Variants in PLXNA3 observed in about 807,000 individuals in gnomAD.
PLXNA3 encodes the protein plexin A3.
PLXNA3 carries 52 observed loss-of-function variants against 118.8 expected under a neutral mutation model. That is an observed-to-expected ratio of 0.44 (90% CI 0.35 to 0.55). PLXNA3 has a LOEUF of 0.55. Among genes scored for constraint, PLXNA3 ranks in the 20% least tolerant of loss-of-function variants. PLXNA3 has a pLI of 0.01. For synonymous variants in PLXNA3, 925 were observed against 762.4 expected (o/e 1.21, Z -3.51); for missense variants, 1,660 against 1,730.8 (o/e 0.96, Z 0.73).
rs1221419059 is a variant in PLXNA3, at chrX:154,465,428, C to T, written c.2249C>T (p.Ser750Phe). 8.3e-7 allele frequency: 1 copy of T among 1,197,668 alleles called. No individual in the cohort carries two copies. The highest frequency in any genetic ancestry group is 1.1e-6 in the Non-Finnish European group (1 of 884,501). ...CCATGGGTTCCTTTCCTCCAGTACT[C>T]CTATGAAGGTGATGAGCATGGTGAC... ...SSVQCQNASY[S>F]YEGDEHGDTE... The change falls in exon 12 of 33, where the codon TCC becomes TTC. Residue 750 changes from serine (S) to phenylalanine (F), a missense_variant. Ser to Phe is a radical substitution (Grantham distance 155). Coordinates refer to ENST00000369682, the MANE Select transcript of PLXNA3 (RefSeq NM_017514.5).
Position 154,465,768 on chromosome X carries a change from C to A in PLXNA3, c.2453C>A (p.Thr818Asn). 1 of 1,209,901 alleles carries A rather than the reference C, an allele frequency of 8.3e-7. No individual in the cohort carries two copies. ...CISEHRCQLR[T>N]HCPAPKTNWM... ...TCAGAGCACAGGTGCCAGCTGCGGA[C>A]CCACTGCCCGGCCCCGAAGACCAAC... Residue 818 changes from threonine to asparagine, a missense_variant, in exon 13 of 33, where the codon ACC becomes AAC. This residue lies in a region of PLXNA3 where 869 missense variants were observed against 1,078.7 expected (regional missense o/e 0.81). Coordinates refer to ENST00000369682, the MANE Select transcript of PLXNA3 (RefSeq NM_017514.5).
In PLXNA3 at chrX:154,460,155, A is replaced by T; in HGVS notation, c.-27-2A>T. ...TGACTCCCACACACCGTCTCTCCCT[A>T]GGCCTGTCCCCAGGCGCGGCTGCCG... On this transcript the variant is annotated splice_acceptor_variant, in intron 1 of 32. Transcript: ENST00000369682. LOFTEE classifies it low-confidence loss of function (5UTR_SPLICE). 1 of 1,039,346 alleles carries T rather than the reference A, an allele frequency of 9.6e-7. No individual in the cohort carries two copies. The highest frequency in any genetic ancestry group is 1.9e-5 in the South Asian group (1 of 51,523). The allele number at this position is 1,039,346 out of a possible 1,213,427, so 85.7% of individuals were successfully genotyped here.
In PLXNA3 at chrX:154,472,760, C is replaced by A; in HGVS notation, c.*75C>A. The A allele has an allele frequency of 1.3e-6, 1 of 789,277 alleles. No homozygotes were observed. Among genetic ancestry groups the A allele is most frequent in the Non-Finnish European group, 1.9e-6 (1 of 516,520 alleles). The allele number at this position is 789,277 out of a possible 1,213,427, so 65.0% of individuals were successfully genotyped here. ...CATCCAGGGGAGTGGCTGGCTCAAG[C>A]CTGGGTCCCCGGGCTGAGCCCTGGA... On this transcript the variant is annotated 3_prime_UTR_variant, in exon 33 of 33. Coordinates refer to ENST00000369682, the MANE Select transcript of PLXNA3 (RefSeq NM_017514.5).
At chrX:154,464,940 C>T (rs782379248) in intron 10 of PLXNA3, 72 bp downstream of exon 10, 13 of 1,083,890 alleles carry the variant, frequency 1.2e-5, no homozygotes, top group African/African-American at 1.1e-4. Context: ...TATGCGTTCT[C>T]GGTTTCTTTG....
Position 154,460,504 on chromosome X carries a change from C to A in PLXNA3, c.321C>A (p.Arg107=), listed in dbSNP as rs782464523. ...TGCTGCTCATAGACTATGCGGCCCG[C>A]CGCCTGGTGGCCTGCGGCAGCATCT... ...NKLLLIDYAA[R]RLVACGSIWQ... The change falls in exon 2 of 33, where the codon CGC becomes CGA. Residue 107 remains arginine, a synonymous_variant. Coordinates refer to ENST00000369682, the MANE Select transcript of PLXNA3 (RefSeq NM_017514.5). The A allele has an allele frequency of 5.8e-6, 7 of 1,210,110 alleles. No homozygotes were observed. The South Asian group carries it at 1.1e-4, about 18-fold the overall frequency.
chrX:154,465,292 G>C, intron 11 of PLXNA3, 74 bp downstream of exon 11: 1 of 1,067,909 alleles, frequency 9.4e-7, no homozygotes. Context: ...TCTATGCCCA[G>C]CTCTCTGGCA....
chrX:154,458,640 G>A (rs1282309406), intron 1 of PLXNA3, among the ~76,000 whole-genome samples: 1 of 112,375 alleles, frequency 8.9e-6, no homozygotes, highest in Non-Finnish European at 1.9e-5. Context: ...GCAGGGGAGC[G>A]GCCCCTCGGA....
intron 2 of PLXNA3, 147 bp downstream of exon 2, chrX:154,460,924 A>G (rs2068941692): frequency 3.3e-6 from 2 of 612,017 alleles, no homozygotes; most frequent in Non-Finnish European, 4.9e-6. Flanking sequence ...GCCTGAACCC[A>G]GGTTGCGGGG....
chrX:154,474,953 G>GTTTTTTTT lies in PLXNA3; in HGVS notation c.*2274_*2275insTTTTTTTT, dbSNP rs1316677568. The GTTTTTTTT allele has an allele frequency of 2.6e-5, 2 of 76,388 alleles. No homozygotes were observed. Among genetic ancestry groups the GTTTTTTTT allele is most frequent in the Non-Finnish European group, 5.5e-5 (2 of 36,302 alleles). The allele number at this position is 76,388 out of a possible 1,213,427, so 6.3% of individuals were successfully genotyped here. On this transcript the variant is annotated 3_prime_UTR_variant, in exon 33 of 33. Coordinates refer to ENST00000369682, the MANE Select transcript of PLXNA3 (RefSeq NM_017514.5). Reference sequence around the variant, plus strand: ...CAAGTGCTTGCCACCATACCCAGCTGTTTTTTGTTTTTTTTTTTTTTCTTT... The same window carrying GTTTTTTTT: ...CAAGTGCTTGCCACCATACCCAGCTGTTTTTTTTTTTTTTGTTTTTTTTTTTTTTCTTT...
chrX:154,462,792 G>T (rs1233811571), intron 4 of PLXNA3, among the ~76,000 whole-genome samples: 4 of 110,878 alleles, frequency 3.6e-5, no homozygotes, highest in African/African-American at 9.9e-5. Context: ...GGATCTGGGG[G>T]TAGCTTGGCA....
chrX:154,463,761 C>T lies in PLXNA3; in HGVS notation c.1547+71C>T, dbSNP rs868965178. Reference sequence around the variant, plus strand: ...CCAGGGGGAGCCAGCCACACCCAGCCGTGCCCTTGCGGCCTCCCCCCGCCC... The same window carrying T: ...CCAGGGGGAGCCAGCCACACCCAGCTGTGCCCTTGCGGCCTCCCCCCGCCC... On this transcript the variant is annotated intron_variant, in intron 6 of 32. Transcript: ENST00000369682. 1.7e-4 allele frequency: 166 copies of T among 991,173 alleles called. No individual in the cohort carries two copies. The South Asian group carries it at 2.7e-3, about 16-fold the overall frequency. The allele number at this position is 991,173 out of a possible 1,213,427, so 81.7% of individuals were successfully genotyped here. A position where few individuals can be genotyped will look rare whatever the true frequency, so the allele number is the denominator to read the frequency against.
chrX:154,467,889 A>T lies in PLXNA3; in HGVS notation c.3708A>T (p.Thr1236=). 1.7e-6 allele frequency: 2 copies of T among 1,209,195 alleles called. No homozygotes were observed. The highest frequency in any genetic ancestry group is 2.2e-6 in the Non-Finnish European group (2 of 894,539). The part of the protein sequence containing the change: ...AGGGLLLLAI[T]AVLVAYKRKT... ...GTGGGCTCCTGCTGCTGGCCATCACAGCCGTGCTGGTGGCCTACAAGCGCA... is the reference window on the plus strand; with the variant it reads ...GTGGGCTCCTGCTGCTGGCCATCACTGCCGTGCTGGTGGCCTACAAGCGCA... The change falls in exon 21 of 33, where the codon ACA becomes ACT. Residue 1236 remains threonine, a synonymous_variant. Transcript: ENST00000369682.
chrX:154,467,638 A>G lies in PLXNA3; in HGVS notation c.3535A>G (p.Thr1179Ala). 2 of 1,210,368 alleles carry G rather than the reference A, an allele frequency of 1.7e-6. No homozygotes were observed. Among genetic ancestry groups the G allele is most frequent in the Non-Finnish European group, 2.2e-6 (2 of 895,236 alleles). ...GQPCSLTVSDTQLLCDSPSQT... is the reference protein window; with the variant it reads ...GQPCSLTVSDAQLLCDSPSQT... ...GCCGTGTTCGCTCACTGTCTCGGAC[A>G]CACAACTCCTGTGCGACTCACCCAG... Residue 1179 changes from threonine (T) to alanine (A), a missense_variant, in exon 20 of 33, where the codon ACA becomes GCA. By Grantham distance (58) the Thr-to-Ala change is moderately conservative. This residue lies in a region of PLXNA3 where 869 missense variants were observed against 1,078.7 expected (regional missense o/e 0.81). Transcript: ENST00000369682.
In PLXNA3 at chrX:154,463,450, C is replaced by T; in HGVS notation, c.1377C>T (p.Gly459=). The change falls in exon 5 of 33, where the codon GGC becomes GGT. Residue 459 remains glycine (G), a synonymous_variant. Transcript: ENST00000369682. Reference sequence around the variant, plus strand: ...ATGAGACAGTCCCCGTGGTGGATGGCAGCCCCATCCTCCGAGACCTGCTCT... The same window carrying T: ...ATGAGACAGTCCCCGTGGTGGATGGTAGCCCCATCCTCCGAGACCTGCTCT... ...HLYETVPVVD[G]SPILRDLLFS... is the part of the protein sequence containing the mutation. The T allele has an allele frequency of 1.7e-6, 2 of 1,207,443 alleles. No individual in the cohort carries two copies. The highest frequency in any genetic ancestry group is 1.8e-5 in the South Asian group (1 of 56,810).
rs782709405 is a variant in PLXNA3, at chrX:154,460,159, C to G, written c.-25C>G. ...TCCCACACACCGTCTCTCCCTAGGC[C>G]TGTCCCCAGGCGCGGCTGCCGGCCA... On this transcript the variant is annotated splice_region_variant and 5_prime_UTR_variant, in exon 2 of 33. Transcript: ENST00000369682. 10 of 1,078,909 alleles carry G rather than the reference C, an allele frequency of 9.3e-6. No individual in the cohort carries two copies. The highest frequency in any genetic ancestry group is 1.3e-5 in the Non-Finnish European group (10 of 783,258). 88.9% of individuals were successfully genotyped at this position (1,078,909 alleles called of 1,213,427 possible).
Position 154,461,657 on chromosome X carries a change from C to G in PLXNA3, c.1134+19C>G. On this transcript the variant is annotated intron_variant, in intron 3 of 32. Transcript: ENST00000369682. ...CAACACCGTGAGCCCCTCATCACCC[C>G]ACACTGGTCCTCTGCCCTGTCCCAG... 8.6e-7 allele frequency: 1 copy of G among 1,160,010 alleles called. No homozygotes were observed.
Position 154,467,063 on chromosome X carries a change from C to G in PLXNA3, c.3114C>G (p.Ser1038Arg). The stretch of plus-strand genomic sequence containing the variant: ...GCCCCTGCCCTGTCCCTAGTGGAAG[C>G]ACTGCCATCACTGTGAGTGGGACCC... ...LEPTWSIINGSTAITVSGTHL... is the reference protein window; with the variant it reads ...LEPTWSIINGRTAITVSGTHL... The change falls in exon 18 of 33, where the codon AGC becomes AGG. Residue 1038 changes from serine to arginine, a missense_variant. Ser to Arg is a moderately radical substitution (Grantham distance 110). Transcript: ENST00000369682. 1 of 1,207,157 alleles carries G rather than the reference C, an allele frequency of 8.3e-7. No individual in the cohort carries two copies. Among genetic ancestry groups the G allele is most frequent in the Non-Finnish European group, 1.1e-6 (1 of 892,072 alleles).
At position 154,463,628 on chromosome X, in the gene PLXNA3, G is replaced by C. The variant is rs782387794; in HGVS notation, c.1485G>C (p.Gln495His). 8.3e-7 allele frequency: 1 copy of C among 1,205,525 alleles called. No individual in the cohort carries two copies. The highest frequency in any genetic ancestry group is 1.1e-6 in the Non-Finnish European group (1 of 893,926). The change falls in exon 6 of 33, where the codon CAG becomes CAC. Residue 495 changes from glutamine (Q) to histidine (H), a missense_variant. Physicochemically the swap from Gln to His is conservative, Grantham distance 24. Around this residue, in one of 2 missense-constraint regions of PLXNA3, gnomAD observed 791 missense variants for 652.1 expected, o/e 1.21. Transcript: ENST00000369682. ...CGGTGGAGACCTGTGAGCAGTACCAGAGCTGCGCAGCCTGCCTGGGCTCCG... is the reference window on the plus strand; with the variant it reads ...CGGTGGAGACCTGTGAGCAGTACCACAGCTGCGCAGCCTGCCTGGGCTCCG... The part of the protein sequence containing the change: ...QLPVETCEQY[Q>H]SCAACLGSGD...
chrX:154,477,543 A>G lies in PLXNA3; in HGVS notation c.*4858A>G, dbSNP rs1272738875. 1 of 137,866 alleles carries G rather than the reference A, an allele frequency of 7.3e-6. No individual in the cohort carries two copies. The highest frequency in any genetic ancestry group is 1.4e-5 in the Non-Finnish European group (1 of 69,226). 11.4% of individuals were successfully genotyped at this position (137,866 alleles called of 1,213,427 possible). On this transcript the variant is annotated 3_prime_UTR_variant, in exon 33 of 33. Coordinates refer to ENST00000369682, the MANE Select transcript of PLXNA3 (RefSeq NM_017514.5). ...ATTATGTGGTGTATATTACAGTTAC[A>G]CATTTACTATGTAAGTGCAACTGTA...
Sources: gnomAD v4.1 joint callset for allele counts (sites outside exome capture counted in the v4.1 genomes callset) on GRCh38, gnomAD v4.1.1 for gene constraint, gnomAD v4.1.1 regional missense constraint, MANE v1.5 for transcripts, NCBI Gene and HGNC (gene_info 2026-07-23, HGNC 2026-07-21) for gene names.